The following GSDME variants were observed in gnomAD, a reference collection of about 807,000 sequenced individuals.
GSDME encodes gasdermin-E.
GSDME carries 44 observed loss-of-function variants against 47.5 expected under a neutral mutation model. That is an observed-to-expected ratio of 0.93 (90% CI 0.73 to 1.19). GSDME has a LOEUF of 1.19. Ranked by LOEUF, GSDME falls within the 50% of genes most tolerant of loss-of-function variation. GSDME has a pLI of 0.00. For synonymous variants in GSDME, 258 were observed against 252.8 expected, an observed-to-expected ratio of 1.02 and a Z score of -0.20; for missense variants, 663 against 604.2, an observed-to-expected ratio of 1.10 and a Z score of -1.02.
chr7:24,736,244 CA>C lies in GSDME; in HGVS notation c.404+8317del, dbSNP rs1451956561. On this transcript the variant is annotated intron_variant, in intron 3 of 9. Transcript: ENST00000645220. This position sits in a 1 kb window ranked among gnomAD's most constrained non-coding sequence, Gnocchi z 4.6. ...CACTGGCTAAATGGATTAAAAACAACAAAAAAAGACCAAATGATCTGTTGCC... is the reference window on the plus strand; with the variant it reads ...CACTGGCTAAATGGATTAAAAACAACAAAAAAGACCAAATGATCTGTTGCC... Among the ~76,000 whole-genome samples the C allele has an allele frequency of 2.6e-5, 4 of 151,774 alleles. No individual in the cohort carries two copies. Among genetic ancestry groups the C allele is most frequent in the African/African-American group, 9.7e-5 (4 of 41,336 alleles).
Position 24,717,375 on chromosome 7 carries a change from C to T in GSDME, c.577-1G>A. 6.2e-7 allele frequency: 1 copy of T among 1,614,200 alleles called. No homozygotes were observed. Among genetic ancestry groups the T allele is most frequent in the Non-Finnish European group, 8.5e-7 (1 of 1,180,042 alleles). On this transcript the variant is annotated splice_acceptor_variant, in intron 4 of 9. Transcript: ENST00000645220. LOFTEE classifies it high-confidence loss of function. ...CATTCCCATCCTCCGTCGCTGACAC[C>T]TGTGGGCAAAAGCGCACACTCCCAC...
At chr7:24,778,319 C>A in the GSDME span, among the ~76,000 whole-genome samples, 1 of 152,066 alleles carries the variant, frequency 6.6e-6, no homozygotes, top group South Asian at 2.1e-4. The surrounding 1 kb of genome is among the most constrained non-coding windows in gnomAD (Gnocchi z 5.6). Flanking sequence ...GAAGCCTGGC[C>A]AGGGAGCTTC....
the GSDME span, among the ~76,000 whole-genome samples, chr7:24,792,523 A>T: frequency 2.0e-5 from 3 of 152,256 alleles, no homozygotes; most frequent in Non-Finnish European, 4.4e-5. Flanking sequence ...GGCAAGCATT[A>T]AATGCAAGTT....
At chr7:24,783,642 G>C in the GSDME span, among the ~76,000 whole-genome samples, 2 of 152,152 alleles carry the variant, frequency 1.3e-5, no homozygotes, top group Non-Finnish European at 2.9e-5. Flanking sequence ...TGGCAGCTAA[G>C]AGTATGAATG....
At chr7:24,779,701 C>T in the GSDME span, among the ~76,000 whole-genome samples, 1 of 152,160 alleles carries the variant, frequency 6.6e-6, no homozygotes, top group Admixed American at 6.5e-5. The surrounding 1 kb of genome is among the most constrained non-coding windows in gnomAD (Gnocchi z 6.0). Context: ...AGAGAGATTG[C>T]CAGCAGCCTG....
chr7:24,700,225 C>T (rs190796152), intron 9 of GSDME, among the ~76,000 whole-genome samples: 5 of 152,266 alleles, frequency 3.3e-5, no homozygotes, highest in Middle Eastern at 3.4e-3. Flanking sequence ...CCTTGTCTGC[C>T]GTGCCTACAA....
intron 3 of GSDME, among the ~76,000 whole-genome samples, chr7:24,737,477 A>AC (rs1456204423): frequency 6.6e-6 from 1 of 152,048 alleles, no homozygotes; most frequent in African/African-American, 2.4e-5. Flanking sequence ...TAACAAAAAA[A>AC]ACAAGTAATG....
In GSDME at chr7:24,725,720, T is replaced by C. The variant is rs1041329919; in HGVS notation, c.405-6502A>G. On this transcript the variant is annotated intron_variant, in intron 3 of 9. Coordinates refer to ENST00000645220, the MANE Select transcript of GSDME (RefSeq NM_001127453.2). This position sits in a 1 kb window ranked among gnomAD's most constrained non-coding sequence, Gnocchi z 5.1. ...CAGTGTCTGTAATGTATAGATAACA[T>C]AACTGATTAGGTCAGGGGTCAATCT... is the stretch of plus-strand genomic sequence containing the variant. 6.6e-6 allele frequency among the ~76,000 whole-genome samples: 1 copy of C among 152,200 alleles called. No homozygotes were observed. The highest frequency in any genetic ancestry group is 2.4e-5 in the African/African-American group (1 of 41,450).
chr7:24,772,448 G>T, the GSDME span, among the ~76,000 whole-genome samples: 59 of 152,336 alleles, frequency 3.9e-4, no homozygotes, highest in African/African-American at 1.3e-3. The surrounding 1 kb of genome is among the most constrained non-coding windows in gnomAD (Gnocchi z 4.5). Flanking sequence ...GTTCCATAAA[G>T]GGTAGAGTCA....
rs1790080039 is a variant in GSDME, at chr7:24,729,641, G to A, written c.405-10423C>T. Among the ~76,000 whole-genome samples the A allele has an allele frequency of 2.0e-5, 3 of 152,370 alleles. 1 individual carries two copies. In the South Asian group the frequency reaches 6.2e-4, roughly 32 times the overall value. ...TCATGCCTCTGTGCAGACAGGAGGA[G>A]TGAACATCAGACAAGGACTGGAGGT... On this transcript the variant is annotated intron_variant, in intron 3 of 9. Coordinates refer to ENST00000645220, the MANE Select transcript of GSDME (RefSeq NM_001127453.2).
At position 24,744,772 on chromosome 7, in the gene GSDME, A is replaced by C. The variant is rs1790598387; in HGVS notation, c.212-18T>G. 1 of 1,613,536 alleles carries C rather than the reference A, an allele frequency of 6.2e-7. No individual in the cohort carries two copies. The highest frequency in any genetic ancestry group is 1.3e-5 in the African/African-American group (1 of 74,862). ...CACGACCACTGGAATGGAGGAGACG[A>C]GCAGAGGAAGCCGATGATGATAAGG... is the stretch of plus-strand genomic sequence containing the variant. On this transcript the variant is annotated intron_variant, in intron 2 of 9. Coordinates refer to ENST00000645220, the MANE Select transcript of GSDME (RefSeq NM_001127453.2). The surrounding 1 kb of genome is among the most constrained non-coding windows in gnomAD (Gnocchi z 4.5).
At chr7:24,785,618 G>C in the GSDME span, among the ~76,000 whole-genome samples, 12,009 of 152,178 alleles carry the variant, frequency 0.079, 674 homozygotes, top group Non-Finnish European at 0.11. Context: ...ACCATGCCCG[G>C]CTAATTTTTT....
the GSDME span, among the ~76,000 whole-genome samples, chr7:24,782,814 C>T: frequency 6.6e-6 from 1 of 152,144 alleles, no homozygotes; most frequent in Non-Finnish European, 1.5e-5. Context: ...TCTCTGATGA[C>T]CAGTGATGAT....
In GSDME at chr7:24,739,743, G is replaced by T. The variant is rs1459525659; in HGVS notation, c.404+4819C>A. Among the ~76,000 whole-genome samples, 1 of 152,074 alleles carries T rather than the reference G, an allele frequency of 6.6e-6. No individual in the cohort carries two copies. The highest frequency in any genetic ancestry group is 2.4e-5 in the African/African-American group (1 of 41,426). ...GGAAACAACCTAATCCTCAATAGAT[G>T]AATAAAGAAAATGTGGTAAATATAC... On this transcript the variant is annotated intron_variant, in intron 3 of 9. Coordinates refer to ENST00000645220, the MANE Select transcript of GSDME (RefSeq NM_001127453.2). The surrounding 1 kb of genome is among the most constrained non-coding windows in gnomAD (Gnocchi z 5.1).
intron 2 of GSDME, among the ~76,000 whole-genome samples, chr7:24,747,606 G>A (rs1186397743): frequency 6.6e-6 from 1 of 152,192 alleles, no homozygotes; most frequent in East Asian, 1.9e-4. Context: ...CGCTAAAGCA[G>A]TTGCCTAAAA....
rs1165219163 is a variant in GSDME, at chr7:24,721,494, C to T, written c.405-2276G>A. ...GGCAAGCTCGAGTGAAGGGCCACCT[C>T]TGCACCTAGGTTTTCTCGTGCATGA... is the stretch of plus-strand genomic sequence containing the variant. On this transcript the variant is annotated intron_variant, in intron 3 of 9. Transcript: ENST00000645220. The surrounding 1 kb of genome is among the most constrained non-coding windows in gnomAD (Gnocchi z 4.1). Among the ~76,000 whole-genome samples, 4 of 152,234 alleles carry T rather than the reference C, an allele frequency of 2.6e-5. No homozygotes were observed. Among genetic ancestry groups the T allele is most frequent in the Non-Finnish European group, 5.9e-5 (4 of 68,044 alleles).
intron 8 of GSDME, 90 bp downstream of exon 8, chr7:24,706,094 T>TTAC: frequency 6.7e-7 from 1 of 1,486,614 alleles, no homozygotes; most frequent in Non-Finnish European, 9.3e-7. Flanking sequence ...TCTTCCACAG[T>TTAC]TACCACCTCT....
At chr7:24,701,228 T>C (rs1231845921) in intron 9 of GSDME, among the ~76,000 whole-genome samples, 1 of 152,154 alleles carries the variant, frequency 6.6e-6, no homozygotes, top group African/African-American at 2.4e-5. Context: ...CTATTGCAAA[T>C]CTGAGGGGAG....
chr7:24,713,146 G>A lies in GSDME; in HGVS notation c.698-2758C>T, dbSNP rs888745365. Among the ~76,000 whole-genome samples the A allele has an allele frequency of 2.0e-5, 3 of 152,292 alleles. No homozygotes were observed. The East Asian group carries it at 5.8e-4, about 29-fold the overall frequency. On this transcript the variant is annotated intron_variant, in intron 5 of 9. Transcript: ENST00000645220. ...TTGAGTACTTTTTTGCTAGGTTTGA[G>A]GGACAGTGGTGGAGAAATGTGGCAG...
Sources: allele counts gnomAD v4.1 joint callset (sites outside exome capture counted in the v4.1 genomes callset), GRCh38; gene constraint gnomAD v4.1.1; non-coding constraint Gnocchi (gnomAD v3.1); transcripts MANE v1.5; gene names NCBI Gene and HGNC (gene_info 2026-07-23, HGNC 2026-07-21).